SEPTIN7: variants seen among roughly 807,000 people sequenced by gnomAD.
SEPTIN7 encodes septin 7, also known as septin-7.
Under a neutral mutation model 63.3 loss-of-function variants are expected in SEPTIN7, and 10 were observed. That is an observed-to-expected ratio of 0.16 (90% CI 0.10 to 0.27). The LOEUF (loss-of-function observed/expected upper bound fraction) is 0.27. Among genes scored for constraint, SEPTIN7 ranks in the 10% least tolerant of loss-of-function variants. SEPTIN7 has a pLI of 1.00. For missense variants in SEPTIN7, 310 were observed against 521.0 expected (o/e 0.59, Z 3.94); for synonymous variants, 131 against 165.3 (o/e 0.79, Z 1.59).
chr7:35,852,689 T>C (rs1785018230), intron 3 of SEPTIN7, among the ~76,000 whole-genome samples: 1 of 152,184 alleles, frequency 6.6e-6, no homozygotes, highest in African/African-American at 2.4e-5. Flanking sequence ...AATAAACTAT[T>C]TTATCAGGCT....
chr7:35,803,523 T>C (rs542952225), intron 1 of SEPTIN7, among the ~76,000 whole-genome samples: 1 of 152,346 alleles, frequency 6.6e-6, no homozygotes, highest in East Asian at 1.9e-4. Context: ...TCAGACTTTG[T>C]ATAATTTGAT....
At chr7:35,841,798 G>C (rs748614427) in intron 3 of SEPTIN7, among the ~76,000 whole-genome samples, 1 of 152,138 alleles carries the variant, frequency 6.6e-6, no homozygotes, top group Non-Finnish European at 1.5e-5. Context: ...TCACATAGAA[G>C]ACTCATTTAG....
At chr7:35,856,697 C>T (rs757459747) in intron 3 of SEPTIN7, among the ~76,000 whole-genome samples, 1 of 152,164 alleles carries the variant, frequency 6.6e-6, no homozygotes, top group Non-Finnish European at 1.5e-5. Flanking sequence ...ATCATTTCCC[C>T]TGTGGCATAT....
In SEPTIN7 at chr7:35,873,618, TTTTG is replaced by T. The variant is rs1786294071; in HGVS notation, c.378-19_378-16del. ...AATTCATATGTAGAATTGCAGCTTG[TTTTG>T]TTTATTTGCGTTCTATAGCTGGCAG... On this transcript the variant is annotated intron_variant, in intron 5 of 13. Transcript: ENST00000350320. 3.1e-6 allele frequency: 5 copies of T among 1,597,342 alleles called. No homozygotes were observed. The highest frequency in any genetic ancestry group is 2.7e-5 in the African/African-American group (2 of 74,628).
At chr7:35,882,462 C>G (rs1237788668) in intron 7 of SEPTIN7, 22 bp from the exon 8 acceptor site, 3 of 1,429,602 alleles carry the variant, frequency 2.1e-6, no homozygotes, top group Non-Finnish European at 2.8e-6. Flanking sequence ...TGCTCTTTTG[C>G]TGACTACTTC....
At chr7:35,884,981 G>A (rs1562576864) in intron 9 of SEPTIN7, among the ~76,000 whole-genome samples, 1 of 151,660 alleles carries the variant, frequency 6.6e-6, no homozygotes, top group Non-Finnish European at 1.5e-5. Flanking sequence ...ATTGAGATTT[G>A]ATTGTTTTAT....
chr7:35,897,621 T>G (rs1444574130), intron 11 of SEPTIN7, among the ~76,000 whole-genome samples: 1 of 152,186 alleles, frequency 6.6e-6, no homozygotes, highest in African/African-American at 2.4e-5. Context: ...GTGTTTTAAA[T>G]CACTGAACAT....
intron 6 of SEPTIN7, among the ~76,000 whole-genome samples, chr7:35,875,483 C>T: frequency 6.6e-6 from 1 of 152,098 alleles, no homozygotes; most frequent in East Asian, 1.9e-4. Context: ...TCCCTGGGTT[C>T]CCTTTTTGGA....
intron 11 of SEPTIN7, among the ~76,000 whole-genome samples, chr7:35,891,052 T>A (rs537177300): frequency 2.6e-5 from 4 of 152,240 alleles, no homozygotes; most frequent in Non-Finnish European, 5.9e-5. Context: ...GATGAATTTG[T>A]TCTTGGTTAC....
At chr7:35,819,611 T>A (rs1789289740) in intron 1 of SEPTIN7, among the ~76,000 whole-genome samples, 1 of 152,204 alleles carries the variant, frequency 6.6e-6, no homozygotes, top group African/African-American at 2.4e-5. Context: ...ATTTGGGGAC[T>A]CTTTTATTAG....
chr7:35,899,978 G>C (rs1008249153), intron 12 of SEPTIN7: 2 of 152,114 alleles, frequency 1.3e-5, no homozygotes, highest in Non-Finnish European at 2.9e-5. Context: ...CCTGTTTTAT[G>C]TGGCTTCACT....
At chr7:35,863,798 C>A (rs1486642585) in intron 4 of SEPTIN7, 140 bp downstream of exon 4, 1 of 470,270 alleles carries the variant, frequency 2.1e-6, no homozygotes, top group Non-Finnish European at 3.7e-6. Context: ...AATATGACTT[C>A]ATAAAATTTA....
At chr7:35,880,201 T>C (rs1256138934) in intron 7 of SEPTIN7, among the ~76,000 whole-genome samples, 4 of 135,990 alleles carry the variant, frequency 2.9e-5, no homozygotes, top group Non-Finnish European at 4.7e-5. Flanking sequence ...CTTTTCTCTT[T>C]TCTTTTCTTT....
upstream of SEPTIN7, chr7:35,801,029 G>C (rs1787911611): frequency 6.4e-6 from 3 of 467,600 alleles, no homozygotes; most frequent in East Asian, 3.6e-5. Context: ...CCTCGTCTGA[G>C]GGGGCGGGGG....
the SEPTIN7 span, among the ~76,000 whole-genome samples, chr7:35,912,609 C>T: frequency 2.7e-4 from 41 of 152,310 alleles, no homozygotes; most frequent in Admixed American, 7.8e-4. Flanking sequence ...AGAGTCTCCC[C>T]GACTGAGCTG....
chr7:35,912,574 T>G, the SEPTIN7 span, among the ~76,000 whole-genome samples: 2 of 152,246 alleles, frequency 1.3e-5, no homozygotes, highest in Admixed American at 1.3e-4. Flanking sequence ...GTGTGTGTCT[T>G]TAATTCCTCT....
At chr7:35,849,906 C>G (rs889136815) in intron 3 of SEPTIN7, among the ~76,000 whole-genome samples, 3 of 152,152 alleles carry the variant, frequency 2.0e-5, no homozygotes, top group African/African-American at 4.8e-5. Flanking sequence ...TGTGTTGAAG[C>G]CTGCTTTATT....
chr7:35,806,615 C>T (rs1401541167), intron 1 of SEPTIN7, among the ~76,000 whole-genome samples: 1 of 152,222 alleles, frequency 6.6e-6, no homozygotes, highest in Non-Finnish European at 1.5e-5. Context: ...ATACACACAT[C>T]TTGTAGCCTT....
At chr7:35,804,448 C>T (rs1788195572) in intron 1 of SEPTIN7, among the ~76,000 whole-genome samples, 1 of 152,200 alleles carries the variant, frequency 6.6e-6, no homozygotes, top group South Asian at 2.1e-4. Flanking sequence ...AGACCAGACA[C>T]ACACTAAATC....
Sources: gnomAD v4.1 joint callset for allele counts (sites outside exome capture counted in the v4.1 genomes callset) on GRCh38, gnomAD v4.1.1 for gene constraint, MANE v1.5 for transcripts, NCBI Gene and HGNC (gene_info 2026-07-23, HGNC 2026-07-21) for gene names.